SMARCA2: variants seen among roughly 807,000 people sequenced by gnomAD.
The protein encoded by SMARCA2 is SWI/SNF-related matrix-associated actin-dependent regulator of chromatin subfamily A member 2.
A neutral mutation model predicts 199.8 loss-of-function variants in SMARCA2; 61 were observed. The observed-to-expected ratio is 0.31, with a 90% CI of 0.25 to 0.38. SMARCA2 has a LOEUF of 0.38. Among genes scored for constraint, SMARCA2 ranks in the 10% least tolerant of loss-of-function variants. The probability of loss-of-function intolerance (pLI) is 1.00; values close to 1 mark genes in which losing one functional copy is unlikely to be tolerated. For missense variants in SMARCA2, 1,344 were observed against 2,012.2 expected (o/e 0.67, Z 6.35); for synonymous variants, 935 against 732.0 (o/e 1.28, Z -4.48).
chr9:2,089,233 C>T (rs966683820), intron 19 of SMARCA2, among the ~76,000 whole-genome samples: 1 of 152,112 alleles, frequency 6.6e-6, no homozygotes, highest in African/African-American at 2.4e-5. Flanking sequence ...CTTTAGAACA[C>T]CTTTTGAGCC....
chr9:2,159,006 T>G, intron 27 of SMARCA2: 4 of 1,611,072 alleles, frequency 2.5e-6, no homozygotes, highest in Non-Finnish European at 3.4e-6. Flanking sequence ...TTCCTTGTAA[T>G]TCCAAAACCT....
chr9:2,094,449 C>G (rs927914359), intron 19 of SMARCA2, among the ~76,000 whole-genome samples: 1 of 152,188 alleles, frequency 6.6e-6, no homozygotes, highest in Non-Finnish European at 1.5e-5. Flanking sequence ...CTTGAGTGTT[C>G]TTTCCTGAAT....
intron 19 of SMARCA2, among the ~76,000 whole-genome samples, chr9:2,089,722 T>C (rs1462713107): frequency 6.6e-6 from 1 of 152,210 alleles, no homozygotes; most frequent in East Asian, 1.9e-4. Flanking sequence ...CCTGTGGTCT[T>C]GGCCTCTGGG....
intron 19 of SMARCA2, among the ~76,000 whole-genome samples, chr9:2,091,677 C>T: frequency 6.6e-6 from 1 of 152,162 alleles, no homozygotes; most frequent in East Asian, 1.9e-4. Context: ...GAAACTTCTG[C>T]ATTGTTTCTT....
At chr9:2,180,625 T>G (rs900203169) in intron 29 of SMARCA2, among the ~76,000 whole-genome samples, 1 of 152,218 alleles carries the variant, frequency 6.6e-6, no homozygotes, top group African/African-American at 2.4e-5. Flanking sequence ...GAAAAATGAC[T>G]GTATCACACA....
At chr9:2,054,845 G>T in intron 6 of SMARCA2, 122 bp downstream of exon 6, 1 of 971,048 alleles carries the variant, frequency 1.0e-6, no homozygotes, top group Non-Finnish European at 1.5e-6. Context: ...TATAAATATA[G>T]TAAAATAGTG....
intron 23 of SMARCA2, among the ~76,000 whole-genome samples, chr9:2,107,694 T>C (rs1002285228): frequency 6.6e-5 from 10 of 152,182 alleles, no homozygotes; most frequent in Non-Finnish European, 1.5e-4. Flanking sequence ...TGAAAACTCC[T>C]TTGACCAAAT....
chr9:2,110,842 G>T lies in SMARCA2; in HGVS notation c.3456+425G>T, dbSNP rs1459277262. ...CCCTGTCAGACGGTTAATATGATTT[G>T]AATCTTTGCAGTCAAGGAAACTGAA... On this transcript the variant is annotated intron_variant, in intron 24 of 33. Transcript: ENST00000349721. The surrounding 1 kb of genome is among the most constrained non-coding windows in gnomAD (Gnocchi z 4.8). Among the ~76,000 whole-genome samples the T allele has an allele frequency of 6.6e-6, 1 of 152,104 alleles. No individual in the cohort carries two copies. Among genetic ancestry groups the T allele is most frequent in the South Asian group, 2.1e-4 (1 of 4,816 alleles).
rs772359477 is a variant in SMARCA2 at position 2,101,628 on chromosome 9, AT to A, written c.3125+21del. The A allele has an allele frequency of 1.6e-4, 233 of 1,451,474 alleles. No homozygotes were observed. Among genetic ancestry groups the A allele is most frequent in the South Asian group, 5.2e-4 (43 of 82,334 alleles). 89.9% of individuals were successfully genotyped at this position (1,451,474 alleles called of 1,614,324 possible). Reference sequence around the variant, plus strand: ...GGGGTCATCAATGGGTAAATCTCAAATTTTTTTTTCTTTTAAAAAAAAATGT... The same window carrying A: ...GGGGTCATCAATGGGTAAATCTCAAATTTTTTTTCTTTTAAAAAAAAATGT... On this transcript the variant is annotated intron_variant, in intron 22 of 33. Coordinates refer to ENST00000349721, the MANE Select transcript of SMARCA2 (RefSeq NM_003070.5).
rs924335443 is a variant in SMARCA2 at position 2,016,761 on chromosome 9, C to G, written c.-37+1357C>G. 6.6e-6 allele frequency among the ~76,000 whole-genome samples: 1 copy of G among 152,196 alleles called. No homozygotes were observed. The highest frequency in any genetic ancestry group is 2.4e-5 in the African/African-American group (1 of 41,454). Reference sequence around the variant, plus strand: ...CGCACTCCTTCCTTCTCGCTCCCTGCTCAGGAGTTTGCTTTATTCCCATCC... The same window carrying G: ...CGCACTCCTTCCTTCTCGCTCCCTGGTCAGGAGTTTGCTTTATTCCCATCC... On this transcript the variant is annotated intron_variant, in intron 1 of 33. Transcript: ENST00000349721. The surrounding 1 kb of genome is among the most constrained non-coding windows in gnomAD (Gnocchi z 5.6).
At chr9:2,088,443 TTGTATGAAACA>T in intron 18 of SMARCA2, 46 bp from the exon 19 acceptor site, 1 of 1,532,626 alleles carries the variant, frequency 6.5e-7, no homozygotes, top group Non-Finnish European at 8.7e-7. Context: ...TAAAGCTTTA[TTGTATGAAACA>T]TCCTTTTCTT....
chr9:2,097,619 A>G, intron 21 of SMARCA2, 148 bp downstream of exon 21: 1 of 573,672 alleles, frequency 1.7e-6, no homozygotes, highest in Non-Finnish European at 3.1e-6. Flanking sequence ...ATAGCTCGAC[A>G]AGCAGAATTA....
chr9:2,077,524 C>A, intron 13 of SMARCA2, 105 bp from the exon 14 acceptor site: 1 of 1,088,490 alleles, frequency 9.2e-7, no homozygotes, highest in Non-Finnish European at 1.4e-6. Context: ...AAATAAAACA[C>A]ACTTATTGCA....
chr9:2,107,837 G>A (rs868109538), intron 23 of SMARCA2, among the ~76,000 whole-genome samples: 11 of 152,264 alleles, frequency 7.2e-5, no homozygotes, highest in Middle Eastern at 3.4e-3. Context: ...CCCACGTGCA[G>A]TAAATCAATC....
In SMARCA2 at chr9:2,045,826, G is replaced by GACACACACACACACACAC. The variant is rs60571405; in HGVS notation, c.791-1388_791-1371dup. ...AGGGGAAAAGAACGATAACATCACA[G>GACACACACACACACACAC]ACACACACACACACACACACACACA... is the stretch of plus-strand genomic sequence containing the variant. On this transcript the variant is annotated intron_variant, in intron 4 of 33. Coordinates refer to ENST00000349721, the MANE Select transcript of SMARCA2 (RefSeq NM_003070.5). 21 of 146,040 alleles carry GACACACACACACACACAC rather than the reference G, an allele frequency of 1.4e-4. No individual in the cohort carries two copies. In the South Asian group the frequency reaches 2.2e-3, roughly 15 times the overall value. 9.0% of individuals were successfully genotyped at this position (146,040 alleles called of 1,614,324 possible).
intron 16 of SMARCA2, 42 bp from the exon 17 acceptor site, chr9:2,084,044 A>G (rs1467986830): frequency 2.8e-6 from 3 of 1,057,024 alleles, no homozygotes; most frequent in African/African-American, 1.6e-5. Flanking sequence ...ATGCACATAT[A>G]TGTCCATAGG....
intron 9 of SMARCA2, among the ~76,000 whole-genome samples, chr9:2,063,535 C>G (rs956599788): frequency 6.6e-6 from 1 of 152,250 alleles, no homozygotes; most frequent in East Asian, 1.9e-4. Context: ...TTAACAAATA[C>G]TTCAATAAAC....
intron 15 of SMARCA2, among the ~76,000 whole-genome samples, chr9:2,082,299 G>C (rs761412463): frequency 7.3e-4 from 102 of 140,252 alleles, no homozygotes; most frequent in Non-Finnish European, 1.4e-3. Flanking sequence ...GGCTCACAAA[G>C]GGGAAAGGTG....
intron 31 of SMARCA2, among the ~76,000 whole-genome samples, chr9:2,184,505 C>A (rs1387570312): frequency 6.6e-6 from 1 of 151,650 alleles, no homozygotes; most frequent in Non-Finnish European, 1.5e-5. Flanking sequence ...GCATGCACCA[C>A]CATGCCCGGC....
Sources: gnomAD v4.1 joint callset for allele counts (sites outside exome capture counted in the v4.1 genomes callset) on GRCh38, gnomAD v4.1.1 for gene constraint, Gnocchi (gnomAD v3.1) non-coding constraint, MANE v1.5 for transcripts, NCBI Gene and HGNC (gene_info 2026-07-23, HGNC 2026-07-21) for gene names.